CACNG7: variants seen among roughly 807,000 people sequenced by gnomAD.
CACNG7 encodes the protein voltage-dependent calcium channel gamma-7 subunit.
Under a neutral mutation model 26.3 loss-of-function variants are expected in CACNG7, and 9 were observed. The observed-to-expected ratio is 0.34, with a 90% CI of 0.21 to 0.60. CACNG7 has a LOEUF of 0.60. CACNG7 is among the 20% of genes least tolerant of loss of function. The probability of loss-of-function intolerance (pLI) is 0.81; values close to 1 mark genes in which losing one functional copy is unlikely to be tolerated. For missense variants in CACNG7, 297 were observed against 380.4 expected, an observed-to-expected ratio of 0.78 and a Z score of 1.82; for synonymous variants, 170 against 157.0, an observed-to-expected ratio of 1.08 and a Z score of -0.62.
Position 53,942,583 on chromosome 19 carries a change from A to T in CACNG7, c.*290A>T. 1 of 1,307,044 alleles carries T rather than the reference A, an allele frequency of 7.7e-7. No individual in the cohort carries two copies. The highest frequency in any genetic ancestry group is 2.2e-5 in the South Asian group (1 of 45,388). 81.0% of individuals were successfully genotyped at this position (1,307,044 alleles called of 1,614,324 possible). A position where few individuals can be genotyped will look rare whatever the true frequency, so the allele number is the denominator to read the frequency against. ...CCTCTGGCCCCTCCTCTCCAAGAAAATTAGCTCCTCCCTCGTTCTCCACCT... is the reference window on the plus strand; with the variant it reads ...CCTCTGGCCCCTCCTCTCCAAGAAATTTAGCTCCTCCCTCGTTCTCCACCT... On this transcript the variant is annotated 3_prime_UTR_variant, in exon 6 of 6. Coordinates refer to ENST00000391767, the MANE Select transcript of CACNG7 (RefSeq NM_031896.5). This position sits in a 1 kb window ranked among gnomAD's most constrained non-coding sequence, Gnocchi z 5.9.
Position 53,914,839 on chromosome 19 carries a change from T to C in CACNG7, c.283+253T>C, listed in dbSNP as rs552202925. Among the ~76,000 whole-genome samples the C allele has an allele frequency of 5.3e-5, 8 of 151,804 alleles. No homozygotes were observed. In the East Asian group the frequency reaches 1.6e-3, roughly 29 times the overall value. On this transcript the variant is annotated intron_variant, in intron 3 of 5. Coordinates refer to ENST00000391767, the MANE Select transcript of CACNG7 (RefSeq NM_031896.5). Reference sequence around the variant, plus strand: ...CAACATGGTGAAACCTTGTCTCTACTAAAAATTCAAAAATTAGCTGGGCGT... The same window carrying C: ...CAACATGGTGAAACCTTGTCTCTACCAAAAATTCAAAAATTAGCTGGGCGT...
At chr19:53,915,332 C>T (rs2068889082) in intron 3 of CACNG7, 33 bp from the exon 4 acceptor site, 12 of 1,542,584 alleles carry the variant, frequency 7.8e-6, no homozygotes, top group Non-Finnish European at 9.9e-6. Flanking sequence ...GAGATTCCCC[C>T]CTCACCCCTG....
chr19:53,917,892 A>C (rs1202378579), intron 4 of CACNG7, among the ~76,000 whole-genome samples: 1 of 152,208 alleles, frequency 6.6e-6, no homozygotes, highest in African/African-American at 2.4e-5. Context: ...TCCTAAATCC[A>C]TGCTTATACC....
At position 53,909,826 on chromosome 19, in the gene CACNG7, C is replaced by T. The variant is rs2068851667; in HGVS notation, c.-30+309C>T. Among the ~76,000 whole-genome samples, 1 of 152,084 alleles carries T rather than the reference C, an allele frequency of 6.6e-6. No individual in the cohort carries two copies. Among genetic ancestry groups the T allele is most frequent in the African/African-American group, 2.4e-5 (1 of 41,402 alleles). ...AGGTACGGGGCGAGGGCGGAGGACC[C>T]AGGCCCGGCCAGAGCAGGATGTGGG... is the stretch of plus-strand genomic sequence containing the variant. On this transcript the variant is annotated intron_variant, in intron 1 of 5. Coordinates refer to ENST00000391767, the MANE Select transcript of CACNG7 (RefSeq NM_031896.5). This position sits in a 1 kb window ranked among gnomAD's most constrained non-coding sequence, Gnocchi z 5.1.
At chr19:53,916,113 TC>T (rs1307833969) in intron 4 of CACNG7, among the ~76,000 whole-genome samples, 1 of 152,228 alleles carries the variant, frequency 6.6e-6, no homozygotes, top group Non-Finnish European at 1.5e-5. Context: ...TGTCCAACCA[TC>T]CATCAATCCA....
rs1600006866 is a variant in CACNG7, at chr19:53,942,607, C to T, written c.*314C>T. 8.0e-7 allele frequency: 1 copy of T among 1,246,986 alleles called. No homozygotes were observed. The highest frequency in any genetic ancestry group is 2.3e-5 in the South Asian group (1 of 42,866). 77.2% of individuals were successfully genotyped at this position (1,246,986 alleles called of 1,614,324 possible). ...AATTAGCTCCTCCCTCGTTCTCCAC[C>T]TGCTCTGAGCTGGGAGCAGCCAGAG... On this transcript the variant is annotated 3_prime_UTR_variant, in exon 6 of 6. Coordinates refer to ENST00000391767, the MANE Select transcript of CACNG7 (RefSeq NM_031896.5). The surrounding 1 kb of genome is among the most constrained non-coding windows in gnomAD (Gnocchi z 5.9).
chr19:53,913,396 AGT>A (rs2068873127), intron 2 of CACNG7, among the ~76,000 whole-genome samples: 1 of 151,866 alleles, frequency 6.6e-6, no homozygotes, highest in Non-Finnish European at 1.5e-5. Flanking sequence ...CCAAGGCAGG[AGT>A]ATCCCTTGAG....
intron 4 of CACNG7, among the ~76,000 whole-genome samples, chr19:53,938,466 G>A (rs950708717): frequency 1.2e-4 from 19 of 152,264 alleles, no homozygotes; most frequent in South Asian, 8.3e-4. Context: ...AGAGGTCAGC[G>A]AAGTTTTCTG....
intron 4 of CACNG7, among the ~76,000 whole-genome samples, chr19:53,926,420 C>T (rs1258035393): frequency 1.3e-5 from 2 of 152,046 alleles, no homozygotes; most frequent in Non-Finnish European, 2.9e-5. Flanking sequence ...CCTTTCCCCA[C>T]CTCCAACTCC....
intron 5 of CACNG7, 55 bp downstream of exon 5, chr19:53,941,670 G>A (rs557702350): frequency 6.4e-7 from 1 of 1,574,528 alleles, no homozygotes; most frequent in African/African-American, 1.4e-5. Context: ...GGTCTTGGGG[G>A]CCTGGTTCCT....
At position 53,942,588 on chromosome 19, in the gene CACNG7, C is replaced by T. The variant is rs2069146145; in HGVS notation, c.*295C>T. ...GGCCCCTCCTCTCCAAGAAAATTAGCTCCTCCCTCGTTCTCCACCTGCTCT... is the reference window on the plus strand; with the variant it reads ...GGCCCCTCCTCTCCAAGAAAATTAGTTCCTCCCTCGTTCTCCACCTGCTCT... On this transcript the variant is annotated 3_prime_UTR_variant, in exon 6 of 6. Coordinates refer to ENST00000391767, the MANE Select transcript of CACNG7 (RefSeq NM_031896.5). This position sits in a 1 kb window ranked among gnomAD's most constrained non-coding sequence, Gnocchi z 5.9. 2 of 1,308,520 alleles carry T rather than the reference C, an allele frequency of 1.5e-6. No individual in the cohort carries two copies. Among genetic ancestry groups the T allele is most frequent in the Middle Eastern group, 2.9e-4 (1 of 3,426 alleles). 81.1% of individuals were successfully genotyped at this position (1,308,520 alleles called of 1,614,324 possible).
intron 3 of CACNG7, 83 bp from the exon 4 acceptor site, chr19:53,915,282 G>C: frequency 9.7e-7 from 1 of 1,035,364 alleles, no homozygotes; most frequent in South Asian, 1.4e-5. Context: ...ACGCAGAGGT[G>C]GTGAGAGCAG....
chr19:53,926,601 C>G (rs1031056318), intron 4 of CACNG7, among the ~76,000 whole-genome samples: 1 of 152,004 alleles, frequency 6.6e-6, no homozygotes, highest in African/African-American at 2.4e-5. Context: ...CTTCTTGTAT[C>G]AGAATGTAAT....
At chr19:53,926,787 C>T (rs530258429) in intron 4 of CACNG7, among the ~76,000 whole-genome samples, 1 of 152,078 alleles carries the variant, frequency 6.6e-6, no homozygotes, top group Non-Finnish European at 1.5e-5. Flanking sequence ...GTGGTGGGCC[C>T]CTATAGTCCC....
At chr19:53,926,206 T>C (rs75829924) in intron 4 of CACNG7, among the ~76,000 whole-genome samples, 3,417 of 152,228 alleles carry the variant, frequency 0.022, 70 homozygotes, top group South Asian at 0.099. Context: ...ACACTTAGAA[T>C]ACACCCAAAT....
chr19:53,937,107 C>G (rs2145919016), intron 4 of CACNG7, among the ~76,000 whole-genome samples: 1 of 152,162 alleles, frequency 6.6e-6, no homozygotes, highest in South Asian at 2.1e-4. Context: ...CCAGGCTGGT[C>G]TTGAGCTGCT....
At position 53,914,567 on chromosome 19, in the gene CACNG7, A is replaced by G; in HGVS notation, c.264A>G (p.Glu88=). The G allele has an allele frequency of 3.7e-6, 6 of 1,614,134 alleles. No individual in the cohort carries two copies. Among genetic ancestry groups the G allele is most frequent in the Non-Finnish European group, 5.1e-6 (6 of 1,179,992 alleles). Residue 88 remains glutamate (E), a synonymous_variant, in exon 3 of 6, where the codon GAA becomes GAG. Coordinates refer to ENST00000391767, the MANE Select transcript of CACNG7 (RefSeq NM_031896.5). ...AACCGGAGATCAATTTGGTGACGGA[A>G]AACACGGAGAATATTCTGAGTGAGG... ...FLEPEINLVT[E]NTENILKTVR...
At position 53,915,361 on chromosome 19, in the gene CACNG7, C is replaced by T; in HGVS notation, c.284-4C>T. 6.2e-7 allele frequency: 1 copy of T among 1,611,114 alleles called. No individual in the cohort carries two copies. The highest frequency in any genetic ancestry group is 8.5e-7 in the Non-Finnish European group (1 of 1,177,274). ...ACCCCTGTCTCTCCCCATCCCCTCC[C>T]CAGAGACAGTGCGCACGGCCACCCC... is the stretch of plus-strand genomic sequence containing the variant. On this transcript the variant is annotated splice_region_variant and splice_polypyrimidine_tract_variant and intron_variant, in intron 3 of 5. Coordinates refer to ENST00000391767, the MANE Select transcript of CACNG7 (RefSeq NM_031896.5).
chr19:53,923,473 AGGT>A (rs2068984858), intron 4 of CACNG7, among the ~76,000 whole-genome samples: 1 of 123,406 alleles, frequency 8.1e-6, no homozygotes, highest in African/African-American at 3.2e-5. Flanking sequence ...GAGTTGTCCC[AGGT>A]CTGGTCATTG....
Sources: allele counts gnomAD v4.1 joint callset (sites outside exome capture counted in the v4.1 genomes callset), GRCh38; gene constraint gnomAD v4.1.1; non-coding constraint Gnocchi (gnomAD v3.1); transcripts MANE v1.5; gene names NCBI Gene and HGNC (gene_info 2026-07-23, HGNC 2026-07-21).